Variants in PP2D1 observed in about 807,000 individuals in gnomAD.
PP2D1 encodes protein phosphatase 2C like domain containing 1.
In PP2D1, 25 loss-of-function variants were observed where a neutral mutation model predicts 30.2. That is an observed-to-expected ratio of 0.83 (90% CI 0.60 to 1.16). The LOEUF is 1.16. Among genes scored for constraint, PP2D1 ranks in the 50% most tolerant of loss-of-function variants. The pLI, the probability that PP2D1 is intolerant of heterozygous loss-of-function variation, is 0.00. For synonymous variants in PP2D1, 260 were observed against 258.9 expected (o/e 1.00, Z -0.04); for missense variants, 760 against 742.4 (o/e 1.02, Z -0.28).
At chr3:19,993,356 A>C (rs1173459507) in intron 2 of PP2D1, among the ~76,000 whole-genome samples, 1 of 152,174 alleles carries the variant, frequency 6.6e-6, no homozygotes, top group African/African-American at 2.4e-5. Flanking sequence ...AAAATACTCA[A>C]GACGAATAAT....
downstream of PP2D1, chr3:19,983,866 A>G (rs775254396): frequency 7.5e-7 from 1 of 1,325,522 alleles, no homozygotes. Flanking sequence ...TGCTTCCTAA[A>G]TGTTAATAAC....
chr3:20,008,672 G>A (rs1697351779), intron 1 of PP2D1, among the ~76,000 whole-genome samples: 1 of 152,106 alleles, frequency 6.6e-6, no homozygotes, highest in Admixed American at 6.6e-5. Context: ...GGATGCTTGA[G>A]CCCAGGAGGT....
chr3:20,001,353 C>T lies in PP2D1; in HGVS notation c.767G>A (p.Arg256Lys). 1 of 1,536,080 alleles carries T rather than the reference C, an allele frequency of 6.5e-7. No individual in the cohort carries two copies. Among genetic ancestry groups the T allele is most frequent in the Non-Finnish European group, 8.7e-7 (1 of 1,146,734 alleles). The part of the protein sequence containing the change: ...QIINSFYTVF[R>K]EEYAAIEDLF... ...GTCTTCTATTGCTGCGTATTCTTCT[C>T]TAAACACAGTGTAAAAGGAATTGAT... The change falls in exon 2 of 3, where the codon AGA becomes AAA. Residue 256 changes from arginine (R) to lysine (K), a missense_variant. Coordinates refer to ENST00000389050, the MANE Select transcript of PP2D1 (RefSeq NM_001252657.2).
At chr3:20,000,983 G>C in intron 2 of PP2D1, 47 bp downstream of exon 2, 1 of 1,150,742 alleles carries the variant, frequency 8.7e-7, no homozygotes, top group Non-Finnish European at 1.1e-6. Flanking sequence ...TTGCTGCAAG[G>C]AACCAAAAAC....
chr3:20,001,966 GGC>G lies in PP2D1; in HGVS notation c.152_153del (p.Arg51ProfsTer2), dbSNP rs1697261179. ...KKSRPVRHTKRHEEEQVYEQG... is the reference protein window; with the variant it reads ...KKSRPVRHTKXHEEEQVYEQG... ...TGCTCATAGACCTGCTCCTCTTCAT[GGC>G]GTTTGGTGTGTCTCACTGGTCTTGA... On this transcript the variant is annotated frameshift_variant, in exon 2 of 3. Transcript: ENST00000389050. LOFTEE classifies it high-confidence loss of function. 6.5e-7 allele frequency: 1 copy of G among 1,536,234 alleles called. No individual in the cohort carries two copies. The highest frequency in any genetic ancestry group is 1.4e-5 in the African/African-American group (1 of 73,134).
At chr3:19,997,232 C>T (rs1697192076) in intron 2 of PP2D1, among the ~76,000 whole-genome samples, 1 of 150,288 alleles carries the variant, frequency 6.7e-6, no homozygotes. Flanking sequence ...ACTTGTAATA[C>T]AGCAAGCATT....
Position 20,001,258 on chromosome 3 carries a change from T to C in PP2D1, c.862A>G (p.Lys288Glu), listed in dbSNP as rs1431611947. 1.2e-5 allele frequency: 19 copies of C among 1,536,122 alleles called. No homozygotes were observed. Among genetic ancestry groups the C allele is most frequent in the Non-Finnish European group, 1.7e-5 (19 of 1,146,890 alleles). Reference sequence around the variant, plus strand: ...AGCCTATCCATTCTCCAAAATGCTTTTGCAAAGGCTTTGTGTGTGTCCTCA... The same window carrying C: ...AGCCTATCCATTCTCCAAAATGCTTCTGCAAAGGCTTTGTGTGTGTCCTCA... The part of the protein sequence containing the change: ...EYEDTHKAFA[K>E]AFWRMDRLLG... The change falls in exon 2 of 3, where the codon AAA becomes GAA. Residue 288 changes from lysine (K) to glutamate (E), a missense_variant. Physicochemically the swap from Lys to Glu is moderately conservative, Grantham distance 56. Around this residue, in one of 3 missense-constraint regions of PP2D1, gnomAD observed 374 missense variants for 388.8 expected, o/e 0.96. Transcript: ENST00000389050.
At chr3:19,991,080 C>T (rs764108577) in intron 2 of PP2D1, among the ~76,000 whole-genome samples, 8 of 152,108 alleles carry the variant, frequency 5.3e-5, no homozygotes, top group Non-Finnish European at 7.4e-5. Context: ...GGAGAGATTG[C>T]GCTCTTCAGA....
At chr3:19,996,132 TAGG>T (rs1043283480) in intron 2 of PP2D1, among the ~76,000 whole-genome samples, 3 of 151,640 alleles carry the variant, frequency 2.0e-5, no homozygotes, top group African/African-American at 4.8e-5. Context: ...AAAATACACA[TAGG>T]AGCAATAAAA....
Position 19,986,184 on chromosome 3 carries a change from T to C in PP2D1, c.1091-2A>G, listed in dbSNP as rs1334916565. On this transcript the variant is annotated splice_acceptor_variant, in intron 2 of 2. Transcript: ENST00000389050. LOFTEE classifies it high-confidence loss of function. ...TGCATAAGACTGCTTGCACATTACC[T>C]AAAAGATTATTTTTTAAAAGAAGAA... The C allele has an allele frequency of 1.4e-6, 2 of 1,456,584 alleles. No homozygotes were observed. Among genetic ancestry groups the C allele is most frequent in the South Asian group, 2.8e-5 (2 of 71,340 alleles). 90.2% of individuals were successfully genotyped at this position (1,456,584 alleles called of 1,614,324 possible).
intron 1 of PP2D1, among the ~76,000 whole-genome samples, chr3:20,008,638 G>C (rs1017659215): frequency 1.3e-5 from 2 of 152,066 alleles, no homozygotes; most frequent in Non-Finnish European, 2.9e-5. Flanking sequence ...TGTAATCTCA[G>C]CTACTCAGGA....
intron 1 of PP2D1, among the ~76,000 whole-genome samples, chr3:20,010,254 C>A (rs1471925682): frequency 3.3e-5 from 5 of 152,008 alleles, no homozygotes; most frequent in South Asian, 2.1e-4. Flanking sequence ...TGCCACCATG[C>A]TTAGCTGATT....
chr3:20,011,615 A>G (rs1279164833), intron 1 of PP2D1, among the ~76,000 whole-genome samples: 1 of 152,080 alleles, frequency 6.6e-6, no homozygotes, highest in African/African-American at 2.4e-5. Context: ...CCTGGCCAAC[A>G]TAGTGAAACC....
intron 1 of PP2D1, among the ~76,000 whole-genome samples, 173 bp downstream of exon 1, chr3:20,011,877 A>C (rs1697392352): frequency 2.0e-5 from 3 of 152,134 alleles, no homozygotes; most frequent in African/African-American, 7.2e-5. Flanking sequence ...CATAGAGAGG[A>C]ATGGAATTCC....
intron 1 of PP2D1, among the ~76,000 whole-genome samples, chr3:20,008,502 G>T (rs1392386644): frequency 6.6e-6 from 1 of 152,090 alleles, no homozygotes; most frequent in Non-Finnish European, 1.5e-5. Context: ...GGGAGGTGGA[G>T]GTTGCAGGGA....
Position 19,985,484 on chromosome 3 carries a change from C to T in PP2D1, c.1789G>A (p.Val597Ile). 6.5e-7 allele frequency: 1 copy of T among 1,536,118 alleles called. No homozygotes were observed. Among genetic ancestry groups the T allele is most frequent in the Non-Finnish European group, 8.7e-7 (1 of 1,146,870 alleles). The change falls in exon 3 of 3, where the codon GTT becomes ATT. Residue 597 changes from valine (V) to isoleucine (I), a missense_variant. Val to Ile is a conservative substitution (Grantham distance 29). This residue lies in a region of PP2D1 where 369 missense variants were observed against 316.2 expected (regional missense o/e 1.17). Coordinates refer to ENST00000389050, the MANE Select transcript of PP2D1 (RefSeq NM_001252657.2). ...KSFYEGAAEY[V>I]SHELVNAALL... Reference sequence around the variant, plus strand: ...GCAGCATTTACAAGTTCATGGCTAACATACTCAGCTGCGCCTTCATAGAAA... The same window carrying T: ...GCAGCATTTACAAGTTCATGGCTAATATACTCAGCTGCGCCTTCATAGAAA...
rs1251911792 is a variant in PP2D1, at chr3:19,986,022, T to C, written c.1251A>G (p.Thr417=). ...YGLVEGQVKT[T]RGLGFHGNLK... is the part of the protein sequence containing the mutation. ...GATTTCCATGAAATCCAAGTCCTCG[T>C]GTAGTTTTTACTTGCCCCTCTACAA... Residue 417 remains threonine (T), a synonymous_variant, in exon 3 of 3, where the codon ACA becomes ACG. Transcript: ENST00000389050. The C allele has an allele frequency of 6.5e-7, 1 of 1,536,116 alleles. No homozygotes were observed. The highest frequency in any genetic ancestry group is 2.0e-5 in the Admixed American group (1 of 50,998).
In PP2D1 at chr3:19,985,706, C is replaced by G. The variant is rs1248844865; in HGVS notation, c.1567G>C (p.Val523Leu). The G allele has an allele frequency of 3.3e-6, 5 of 1,535,728 alleles. No homozygotes were observed. Among genetic ancestry groups the G allele is most frequent in the Non-Finnish European group, 4.4e-6 (5 of 1,146,548 alleles). ...VLFQYKSVSE[V>L]RVSTTNSKEN... ...TTGGAATTTGTAGTTGACACACGTA[C>G]TTCAGATACAGATTTATACTGAAAC... Residue 523 changes from valine to leucine, a missense_variant, in exon 3 of 3, where the codon GTA becomes CTA. By Grantham distance (32) the Val-to-Leu change is conservative. Transcript: ENST00000389050.
chr3:19,988,922 G>T (rs965207837), intron 2 of PP2D1, among the ~76,000 whole-genome samples: 1 of 152,030 alleles, frequency 6.6e-6, no homozygotes, highest in African/African-American at 2.4e-5. Flanking sequence ...GGAGGTGGAG[G>T]TTGCAGTAAT....
Sources: gnomAD v4.1 joint callset for allele counts (sites outside exome capture counted in the v4.1 genomes callset) on GRCh38, gnomAD v4.1.1 for gene constraint, gnomAD v4.1.1 regional missense constraint, MANE v1.5 for transcripts, NCBI Gene and HGNC (gene_info 2026-07-23, HGNC 2026-07-21) for gene names.